The following CNTNAP2 variants were observed in gnomAD, a reference collection of about 807,000 sequenced individuals.
The protein encoded by CNTNAP2 is contactin-associated protein-like 2.
In CNTNAP2, 98 loss-of-function variants were observed where a neutral mutation model predicts 155.2. That is an observed-to-expected ratio of 0.63 (90% confidence interval 0.54 to 0.75). CNTNAP2 has a LOEUF of 0.75. Ranked by LOEUF, CNTNAP2 falls within the 30% of genes least tolerant of loss-of-function variation. CNTNAP2 has a pLI of 0.00. For synonymous variants in CNTNAP2, 651 were observed against 631.2 expected (o/e 1.03, Z -0.47); for missense variants, 1,727 against 1,688.1 (o/e 1.02, Z -0.40).
intron 4 of CNTNAP2, among the ~76,000 whole-genome samples, chr7:147,093,240 CAAAAAAA>C (rs530286124): frequency 0.051 from 2,757 of 54,364 alleles, 111 homozygotes; most frequent in African/African-American, 0.13. Flanking sequence ...GACTCCATCT[CAAAAAAA>C]AAAAAAAAAA....
intron 1 of CNTNAP2, among the ~76,000 whole-genome samples, chr7:146,224,563 C>A (rs2693308): frequency 0.7 from 105,676 of 150,414 alleles, 37,871 homozygotes; most frequent in East Asian, 0.94. Context: ...CTGGCTAACA[C>A]GGGGAAACCC....
At chr7:148,185,339 C>T (rs529176215) in intron 18 of CNTNAP2, among the ~76,000 whole-genome samples, 29 of 152,328 alleles carry the variant, frequency 1.9e-4, no homozygotes, top group African/African-American at 7.0e-4. Flanking sequence ...AGCAAACACA[C>T]TTGAGATTAA....
chr7:146,744,140 A>G (rs1801768165), intron 1 of CNTNAP2, among the ~76,000 whole-genome samples: 1 of 149,480 alleles, frequency 6.7e-6, no homozygotes, highest in Non-Finnish European at 1.5e-5. Flanking sequence ...AGGCAGGAGA[A>G]TCGCTGGAAC....
At chr7:147,453,023 AGGGAAAAAG>A in intron 10 of CNTNAP2, among the ~76,000 whole-genome samples, 1 of 152,022 alleles carries the variant, frequency 6.6e-6, no homozygotes, top group African/African-American at 2.4e-5. Context: ...AAAAAGAGAA[AGGGAAAAAG>A]AGAGAAAGGG....
chr7:147,256,389 C>A (rs535210535), intron 8 of CNTNAP2, among the ~76,000 whole-genome samples: 1 of 152,096 alleles, frequency 6.6e-6, no homozygotes, highest in Non-Finnish European at 1.5e-5. Flanking sequence ...CATTTAGGGA[C>A]ATTTAACATT....
intron 15 of CNTNAP2, among the ~76,000 whole-genome samples, chr7:148,098,397 T>C (rs1165319048): frequency 8.4e-6 from 1 of 119,040 alleles, no homozygotes; most frequent in Non-Finnish European, 1.6e-5. Flanking sequence ...TGAGCCAAGA[T>C]CACGCCACTG....
intron 1 of CNTNAP2, among the ~76,000 whole-genome samples, chr7:146,286,134 A>G (rs1800333387): frequency 6.8e-6 from 1 of 147,612 alleles, no homozygotes; most frequent in Admixed American, 6.8e-5. Flanking sequence ...AACATAGTCT[A>G]TGTGCTGAGG....
At chr7:148,334,930 C>A (rs1798092310) in intron 21 of CNTNAP2, among the ~76,000 whole-genome samples, 1 of 152,186 alleles carries the variant, frequency 6.6e-6, no homozygotes, top group Non-Finnish European at 1.5e-5. Context: ...GCAGATCCTA[C>A]CAATGACTCT....
intron 13 of CNTNAP2, among the ~76,000 whole-genome samples, chr7:147,727,074 T>C (rs1031373441): frequency 1.1e-4 from 17 of 151,958 alleles, no homozygotes; most frequent in African/African-American, 3.1e-4. Flanking sequence ...ACATTAATTA[T>C]GTGCAGTTTT....
At chr7:148,021,636 G>T (rs573209862) in intron 15 of CNTNAP2, among the ~76,000 whole-genome samples, 1 of 152,354 alleles carries the variant, frequency 6.6e-6, no homozygotes, top group Admixed American at 6.5e-5. Context: ...AGCCCCTGGG[G>T]ATCCAGTCCC....
At chr7:146,655,044 T>C (rs1799972735) in intron 1 of CNTNAP2, among the ~76,000 whole-genome samples, 1 of 152,300 alleles carries the variant, frequency 6.6e-6, no homozygotes, top group East Asian at 1.9e-4. Context: ...TTATAGATTA[T>C]ATAATTATAA....
chr7:146,986,649 C>T (rs578070617), intron 3 of CNTNAP2, among the ~76,000 whole-genome samples: 1 of 152,268 alleles, frequency 6.6e-6, no homozygotes, highest in Non-Finnish European at 1.5e-5. Flanking sequence ...CTCTTCACTC[C>T]ATCCACGCCA....
At chr7:148,266,625 TGTGTGATC>T (rs751388731) in intron 20 of CNTNAP2, among the ~76,000 whole-genome samples, 53 of 152,304 alleles carry the variant, frequency 3.5e-4, no homozygotes, top group Non-Finnish European at 6.3e-4. Context: ...TATGTGTGTG[TGTGTGATC>T]ATGTCACAAA....
chr7:147,740,486 AT>A (rs1393086008), intron 13 of CNTNAP2, among the ~76,000 whole-genome samples: 1 of 152,200 alleles, frequency 6.6e-6, no homozygotes, highest in African/African-American at 2.4e-5. Flanking sequence ...AAATAATCTT[AT>A]AAAAAAATTG....
At chr7:148,124,031 G>A (rs1033779400) in intron 16 of CNTNAP2, among the ~76,000 whole-genome samples, 2 of 152,246 alleles carry the variant, frequency 1.3e-5, no homozygotes, top group South Asian at 4.2e-4. Flanking sequence ...GAGGATGGTA[G>A]AGACTTTAGC....
rs1396217563 is a variant in CNTNAP2, at chr7:147,283,981, C to T, written c.1349-16160C>T. 4.6e-5 allele frequency among the ~76,000 whole-genome samples: 7 copies of T among 151,526 alleles called. No individual in the cohort carries two copies. In the South Asian group the frequency reaches 8.3e-4, roughly 18 times the overall value. On this transcript the variant is annotated intron_variant, in intron 8 of 23. Transcript: ENST00000361727. ...AGATACAATATTCAAGTGACGAGTC[C>T]TACATTTTCCACATGTAATTTTCTT...
At chr7:146,862,434 A>G (rs961831992) in intron 3 of CNTNAP2, among the ~76,000 whole-genome samples, 1 of 142,150 alleles carries the variant, frequency 7.0e-6, no homozygotes, top group Non-Finnish European at 1.5e-5. Context: ...TTCCTTGTTA[A>G]AAAAAGAAAA....
chr7:146,318,892 A>G (rs1800953839), intron 1 of CNTNAP2, among the ~76,000 whole-genome samples: 1 of 152,202 alleles, frequency 6.6e-6, no homozygotes, highest in African/African-American at 2.4e-5. Flanking sequence ...TGTATGTATA[A>G]TCTTAACTCT....
At chr7:146,764,475 GTT>G (rs61389148) in intron 1 of CNTNAP2, among the ~76,000 whole-genome samples, 6 of 145,916 alleles carry the variant, frequency 4.1e-5, no homozygotes, top group African/African-American at 1.5e-4. Context: ...GTGTTGTAGA[GTT>G]TTTTTTTTTC....
Sources: gnomAD v4.1 joint callset for allele counts (sites outside exome capture counted in the v4.1 genomes callset) on GRCh38, gnomAD v4.1.1 for gene constraint, MANE v1.5 for transcripts, NCBI Gene and HGNC (gene_info 2026-07-23, HGNC 2026-07-21) for gene names.